The following DDX1 variants were observed in gnomAD, a reference collection of about 807,000 sequenced individuals.
The protein encoded by DDX1 is ATP-dependent RNA helicase DDX1.
DDX1 carries 28 observed loss-of-function variants against 108.7 expected under a neutral mutation model. That is an observed-to-expected ratio of 0.26 (90% confidence interval 0.19 to 0.35). The LOEUF is 0.35. DDX1 is among the 10% of genes least tolerant of loss of function. DDX1 has a pLI of 1.00. For synonymous variants in DDX1, 295 were observed against 288.9 expected (o/e 1.02, Z -0.21); for missense variants, 710 against 884.5 (o/e 0.80, Z 2.50).
At chr2:15,629,848 G>C (rs1666164227) in intron 24 of DDX1, 142 bp from the exon 25 acceptor site, 1 of 1,046,600 alleles carries the variant, frequency 9.6e-7, no homozygotes, top group Non-Finnish European at 1.4e-6. Context: ...TTTGCTAATT[G>C]TAAGTTGTGA....
rs778740267 is a variant in DDX1 at position 15,628,564 on chromosome 2, A to G, written c.1759+47A>G. On this transcript the variant is annotated intron_variant, in intron 21 of 25. Transcript: ENST00000233084. ...CTGTAGTGTGATTGTTACGGAATCT[A>G]AAGTAAAGCCTTCTAATATGTTTGA... The G allele has an allele frequency of 1.9e-6, 3 of 1,597,054 alleles. No individual in the cohort carries two copies. The South Asian group carries it at 3.3e-5, about 18-fold the overall frequency.
At chr2:15,601,247 A>G (rs1665585060) in intron 6 of DDX1, among the ~76,000 whole-genome samples, 2 of 152,314 alleles carry the variant, frequency 1.3e-5, no homozygotes, top group East Asian at 1.9e-4. Context: ...TAAGTAACAG[A>G]CACATGTTTG....
chr2:15,612,012 G>C (rs1158387090), intron 13 of DDX1, among the ~76,000 whole-genome samples: 6 of 139,664 alleles, frequency 4.3e-5, no homozygotes, highest in Middle Eastern at 4.0e-3. Context: ...CGGGCAGAGG[G>C]GCTCCTCACT....
At chr2:15,610,176 T>C (rs1475556157) in intron 13 of DDX1, among the ~76,000 whole-genome samples, 1 of 152,172 alleles carries the variant, frequency 6.6e-6, no homozygotes, top group Non-Finnish European at 1.5e-5. Flanking sequence ...AAGCAATCCT[T>C]GTGTCTCCGC....
chr2:15,607,861 AT>A (rs1665690269), intron 13 of DDX1, among the ~76,000 whole-genome samples: 1 of 152,118 alleles, frequency 6.6e-6, no homozygotes, highest in Non-Finnish European at 1.5e-5. Context: ...GGCCCTAACA[AT>A]TTTTTGAAGA....
At chr2:15,592,589 T>C (rs746997085) in intron 1 of DDX1, among the ~76,000 whole-genome samples, 3 of 152,216 alleles carry the variant, frequency 2.0e-5, no homozygotes, top group Non-Finnish European at 4.4e-5. Context: ...TGCCGTCTGC[T>C]ACCCTCCTTT....
chr2:15,607,559 G>C (rs748678485), intron 13 of DDX1, among the ~76,000 whole-genome samples: 2 of 151,906 alleles, frequency 1.3e-5, no homozygotes, highest in Non-Finnish European at 2.9e-5. Context: ...GTCATGGTTA[G>C]TCAAACAGCA....
chr2:15,613,710 G>A (rs1236980921), intron 14 of DDX1, among the ~76,000 whole-genome samples: 10 of 152,196 alleles, frequency 6.6e-5, no homozygotes, highest in Non-Finnish European at 1.5e-5. Flanking sequence ...AATAGTTCCA[G>A]TGAGGAGAGA....
At chr2:15,619,167 C>CCCAA (rs1665949172) in intron 16 of DDX1, among the ~76,000 whole-genome samples, 1 of 152,140 alleles carries the variant, frequency 6.6e-6, no homozygotes, top group South Asian at 2.1e-4. Context: ...CCCCTCTGTG[C>CCCAA]CCAACCTCAC....
chr2:15,616,868 G>A (rs1665903499), intron 14 of DDX1, among the ~76,000 whole-genome samples: 1 of 152,166 alleles, frequency 6.6e-6, no homozygotes, highest in African/African-American at 2.4e-5. Flanking sequence ...GGGAAAATTG[G>A]TACTAGAGGA....
chr2:15,602,652 C>A, intron 7 of DDX1, 21 bp downstream of exon 7: 1 of 1,527,920 alleles, frequency 6.5e-7, no homozygotes, highest in Non-Finnish European at 9.1e-7. Flanking sequence ...AGCATCTGCA[C>A]TTGTATAAAC....
At chr2:15,610,195 G>A (rs1665729795) in intron 13 of DDX1, among the ~76,000 whole-genome samples, 1 of 152,198 alleles carries the variant, frequency 6.6e-6, no homozygotes, top group Non-Finnish European at 1.5e-5. Flanking sequence ...GCCTCCGAAA[G>A]TGCTGGATTA....
intron 13 of DDX1, among the ~76,000 whole-genome samples, chr2:15,610,778 T>C (rs892297963): frequency 6.6e-6 from 1 of 152,242 alleles, no homozygotes; most frequent in Non-Finnish European, 1.5e-5. Flanking sequence ...AGCTCACGCA[T>C]TCTCTTTCGT....
At chr2:15,621,824 T>G (rs1666014301) in intron 18 of DDX1, among the ~76,000 whole-genome samples, 1 of 151,684 alleles carries the variant, frequency 6.6e-6, no homozygotes, top group Non-Finnish European at 1.5e-5. Flanking sequence ...TGGCTAATTT[T>G]TGTGTTTTCA....
At chr2:15,617,381 T>G (rs764908307) in intron 15 of DDX1, 39 bp downstream of exon 15, 4 of 1,276,152 alleles carry the variant, frequency 3.1e-6, no homozygotes, top group East Asian at 2.5e-5. Context: ...AAAAGTTTAC[T>G]TATATTTTTT....
At chr2:15,599,842 T>A in intron 6 of DDX1, 126 bp downstream of exon 6, 1 of 670,422 alleles carries the variant, frequency 1.5e-6, no homozygotes, top group Non-Finnish European at 2.6e-6. Context: ...TCACTATCAT[T>A]AAACAGTATA....
chr2:15,629,069 C>T (rs1283700248), intron 23 of DDX1, among the ~76,000 whole-genome samples: 2 of 152,084 alleles, frequency 1.3e-5, no homozygotes, highest in Non-Finnish European at 2.9e-5. Context: ...TTATTGTACT[C>T]ATTTCCACCA....
At chr2:15,596,643 A>G (rs1331038511) in intron 3 of DDX1, 91 bp from the exon 4 acceptor site, 1 of 1,125,226 alleles carries the variant, frequency 8.9e-7, no homozygotes, top group Middle Eastern at 2.3e-4. Flanking sequence ...TAGCCAGTCA[A>G]ATGTTAAAGA....
At chr2:15,622,237 A>G (rs1266590841) in intron 18 of DDX1, among the ~76,000 whole-genome samples, 4 of 152,232 alleles carry the variant, frequency 2.6e-5, no homozygotes, top group African/African-American at 4.8e-5. Context: ...GTACATTCAT[A>G]TTGTTGTACA....
Sources: allele counts gnomAD v4.1 joint callset (sites outside exome capture counted in the v4.1 genomes callset), GRCh38; gene constraint gnomAD v4.1.1; transcripts MANE v1.5; gene names NCBI Gene and HGNC (gene_info 2026-07-23, HGNC 2026-07-21).